DOCK4: variants seen among roughly 807,000 people sequenced by gnomAD.
DOCK4 encodes dedicator of cytokinesis 4, also known as dedicator of cytokinesis protein 4.
Under a neutral mutation model 268.1 loss-of-function variants are expected in DOCK4, and 97 were observed. The ratio of observed to expected loss-of-function variants is 0.36; its 90% CI spans 0.31 to 0.43. DOCK4 has a LOEUF of 0.43. Ranked by LOEUF, DOCK4 falls within the 20% of genes least tolerant of loss-of-function variation. The pLI is 1.00. For missense variants in DOCK4, 2,145 were observed against 2,455.7 expected, an observed-to-expected ratio of 0.87 and a Z score of 2.67; for synonymous variants, 954 against 887.2, an observed-to-expected ratio of 1.08 and a Z score of -1.34.
intron 23 of DOCK4, among the ~76,000 whole-genome samples, chr7:111,852,040 T>C (rs1357494888): frequency 6.9e-6 from 1 of 145,208 alleles, no homozygotes; most frequent in Non-Finnish European, 1.5e-5. Flanking sequence ...CTCGGCTCAC[T>C]GCAACTTCCG....
At chr7:112,001,700 T>C (rs1273398704) in intron 2 of DOCK4, among the ~76,000 whole-genome samples, 1 of 152,224 alleles carries the variant, frequency 6.6e-6, no homozygotes, top group Non-Finnish European at 1.5e-5. Flanking sequence ...AATATTGTTA[T>C]AATTATTCTA....
intron 1 of DOCK4, among the ~76,000 whole-genome samples, chr7:112,018,733 TG>T (rs1802076996): frequency 6.8e-6 from 1 of 146,858 alleles, no homozygotes; most frequent in Admixed American, 6.8e-5. Flanking sequence ...AAAATCCCTA[TG>T]CTTAGCTAGG....
intron 1 of DOCK4, among the ~76,000 whole-genome samples, chr7:112,019,249 C>T (rs1802112906): frequency 6.6e-6 from 1 of 152,020 alleles, no homozygotes; most frequent in South Asian, 2.1e-4. Flanking sequence ...ACAGATAATT[C>T]CCATTAACAA....
Position 111,940,148 on chromosome 7 carries a change from T to C in DOCK4, c.939A>G (p.Thr313=). 9.9e-6 allele frequency: 16 copies of C among 1,614,064 alleles called. No homozygotes were observed. Among genetic ancestry groups the C allele is most frequent in the Non-Finnish European group, 1.4e-5 (16 of 1,179,904 alleles). The change falls in exon 11 of 53, where the codon ACA becomes ACG. Residue 313 remains threonine (T), a synonymous_variant. Coordinates refer to ENST00000428084, the MANE Select transcript of DOCK4 (RefSeq NM_001363540.2). ...CAVLSIADLL[T]GETKDDLILK... ...GAATGAGGTCATCCTTTGTCTCTCCTGTTAGCAGGTCAGCGATGCTAAGAA... is the reference window on the plus strand; with the variant it reads ...GAATGAGGTCATCCTTTGTCTCTCCCGTTAGCAGGTCAGCGATGCTAAGAA...
chr7:112,176,878 C>T (rs2116657262), intron 1 of DOCK4, among the ~76,000 whole-genome samples: 1 of 152,274 alleles, frequency 6.6e-6, no homozygotes, highest in African/African-American at 2.4e-5. Flanking sequence ...TTTTTAATGA[C>T]ATCATTGCAC....
At chr7:111,930,435 A>G (rs1794105895) in intron 12 of DOCK4, among the ~76,000 whole-genome samples, 2 of 152,188 alleles carry the variant, frequency 1.3e-5, no homozygotes, top group Non-Finnish European at 2.9e-5. Flanking sequence ...AAGGGCCTGG[A>G]AATTAGCTGG....
At chr7:111,933,002 C>T (rs374103436) in intron 12 of DOCK4, among the ~76,000 whole-genome samples, 1 of 151,220 alleles carries the variant, frequency 6.6e-6, no homozygotes, top group East Asian at 2.0e-4. Context: ...TACTATCTTA[C>T]TGAGGGGGTA....
rs766680867 is a variant in DOCK4 at position 111,877,090 on chromosome 7, C to T, written c.1684G>A (p.Ala562Thr). 3 of 1,589,928 alleles carry T rather than the reference C, an allele frequency of 1.9e-6. No homozygotes were observed. Among genetic ancestry groups the T allele is most frequent in the Middle Eastern group, 1.7e-4 (1 of 5,976 alleles). ...GTAATACAAAAGGACTCCTTTGTGGCCTTCATGGCTTGATTATTATTCCCA... is the reference window on the plus strand; with the variant it reads ...GTAATACAAAAGGACTCCTTTGTGGTCTTCATGGCTTGATTATTATTCCCA... ...FLGNNNQAMK[A>T]TKESFCITSF... is the part of the protein sequence containing the mutation. Residue 562 changes from alanine (A) to threonine (T), a missense_variant, in exon 17 of 53, where the codon GCC (alanine) becomes ACC (threonine). Transcript: ENST00000428084.
In DOCK4 at chr7:112,018,179, A is replaced by ACCC. The variant is rs1201145657; in HGVS notation, c.38-14049_38-14048insGGG. 2.8e-5 allele frequency among the ~76,000 whole-genome samples: 2 copies of ACCC among 72,590 alleles called. 1 individual carries two copies. The highest frequency in any genetic ancestry group is 5.9e-5 in the Non-Finnish European group (2 of 33,980). The allele number at this position is 72,590 out of a possible 152,430, so 47.6% of individuals were successfully genotyped here. A position where few individuals can be genotyped will look rare whatever the true frequency, so the allele number is the denominator to read the frequency against. On this transcript the variant is annotated intron_variant, in intron 1 of 52. Transcript: ENST00000428084. ...AAAAAAAAAAAAAAAAAAAAAAAAA[A>ACCC]ACACAGGCAACCAGTATTCATGTGG...
intron 35 of DOCK4, among the ~76,000 whole-genome samples, chr7:111,778,892 T>G (rs1050200492): frequency 5.3e-5 from 8 of 151,832 alleles, no homozygotes; most frequent in African/African-American, 1.5e-4. Context: ...CCATCTCTAC[T>G]AAAAATACAA....
chr7:111,870,675 G>A (rs1806350465), intron 20 of DOCK4, among the ~76,000 whole-genome samples: 1 of 152,160 alleles, frequency 6.6e-6, no homozygotes, highest in Admixed American at 6.5e-5. Flanking sequence ...TGGGTCAGGG[G>A]AGAATACTTG....
chr7:111,892,123 T>C (rs1354957919), intron 16 of DOCK4, among the ~76,000 whole-genome samples: 2 of 152,220 alleles, frequency 1.3e-5, no homozygotes, highest in African/African-American at 4.8e-5. Context: ...ATTTGAGACA[T>C]CCTTAGAAAG....
intron 16 of DOCK4, among the ~76,000 whole-genome samples, chr7:111,883,094 G>A (rs1807548761): frequency 6.6e-6 from 1 of 152,136 alleles, no homozygotes; most frequent in African/African-American, 2.4e-5. Flanking sequence ...CTACTGCAAA[G>A]TAATTCATAT....
chr7:112,030,206 C>T (rs1479366429), intron 1 of DOCK4, among the ~76,000 whole-genome samples: 1 of 152,164 alleles, frequency 6.6e-6, no homozygotes. Flanking sequence ...AGCAAGCATA[C>T]AGGAATCTGT....
At chr7:111,910,858 G>A (rs1204542763) in intron 13 of DOCK4, among the ~76,000 whole-genome samples, 1 of 152,160 alleles carries the variant, frequency 6.6e-6, no homozygotes, top group African/African-American at 2.4e-5. Context: ...CCTTAACCAA[G>A]GAAGAGTCCA....
chr7:111,788,801 T>C (rs746020107), intron 31 of DOCK4, 54 bp from the exon 32 acceptor site: 6 of 1,438,238 alleles, frequency 4.2e-6, no homozygotes, highest in Non-Finnish European at 5.8e-6. Flanking sequence ...GTAGGATTTC[T>C]AGGCAAGTTA....
intron 7 of DOCK4, among the ~76,000 whole-genome samples, chr7:111,977,581 G>T (rs1798305207): frequency 6.6e-6 from 1 of 152,162 alleles, no homozygotes; most frequent in Non-Finnish European, 1.5e-5. Flanking sequence ...CTTGCTTGAA[G>T]AATTTTTAAA....
At chr7:112,077,651 T>G (rs1038471127) in intron 1 of DOCK4, among the ~76,000 whole-genome samples, 2 of 152,108 alleles carry the variant, frequency 1.3e-5, no homozygotes, top group African/African-American at 4.8e-5. Context: ...ACAGAGCACC[T>G]ATGATTTATT....
At chr7:111,951,661 A>AG (rs1554391399) in intron 8 of DOCK4, among the ~76,000 whole-genome samples, 4 of 150,746 alleles carry the variant, frequency 2.7e-5, no homozygotes, top group Admixed American at 6.6e-5. Flanking sequence ...AAAAAAAAAA[A>AG]AAGAAGAAGA....
Sources: gnomAD v4.1 joint callset for allele counts (sites outside exome capture counted in the v4.1 genomes callset) on GRCh38, gnomAD v4.1.1 for gene constraint, MANE v1.5 for transcripts, NCBI Gene and HGNC (gene_info 2026-07-23, HGNC 2026-07-21) for gene names.